The following NDST4 variants were observed in gnomAD, a reference collection of about 807,000 sequenced individuals.
The protein encoded by NDST4 is N-deacetylase and N-sulfotransferase 4.
NDST4 carries 63 observed loss-of-function variants against 100.8 expected under a neutral mutation model. The ratio of observed to expected loss-of-function variants is 0.62; its 90% CI spans 0.51 to 0.77. NDST4 has a LOEUF of 0.77. Among genes scored for constraint, NDST4 ranks in the 30% least tolerant of loss-of-function variants. NDST4 has a pLI of 0.00. For missense variants in NDST4, 943 were observed against 1,018.4 expected, an observed-to-expected ratio of 0.93 and a Z score of 1.01; for synonymous variants, 377 against 361.8, an observed-to-expected ratio of 1.04 and a Z score of -0.48.
chr4:115,108,948 G>A (rs1729885676), intron 1 of NDST4, among the ~76,000 whole-genome samples: 1 of 151,344 alleles, frequency 6.6e-6, no homozygotes, highest in Non-Finnish European at 1.5e-5. Flanking sequence ...GGAAATAAAG[G>A]AAGGAGGGAA....
chr4:114,920,405 C>T (rs901134875), intron 6 of NDST4, among the ~76,000 whole-genome samples: 5 of 152,062 alleles, frequency 3.3e-5, no homozygotes, highest in Non-Finnish European at 7.4e-5. Flanking sequence ...CAAGTCACAT[C>T]TTTTATTCAC....
At chr4:114,839,628 T>C in intron 10 of NDST4, 80 bp from the exon 11 acceptor site, 1 of 1,257,302 alleles carries the variant, frequency 8.0e-7, no homozygotes, top group Non-Finnish European at 1.1e-6. Flanking sequence ...GGTGAGCACA[T>C]GCATGTGTGT....
intron 2 of NDST4, among the ~76,000 whole-genome samples, chr4:115,049,278 A>T (rs1459285054): frequency 6.6e-6 from 1 of 152,040 alleles, no homozygotes; most frequent in Non-Finnish European, 1.5e-5. Flanking sequence ...GGCGATCATT[A>T]AAGAGAAAGT....
chr4:115,007,319 A>T (rs552093215), intron 2 of NDST4, among the ~76,000 whole-genome samples: 21 of 152,182 alleles, frequency 1.4e-4, no homozygotes, highest in Non-Finnish European at 7.4e-5. Context: ...AAATGGTGAC[A>T]AAATGTGCTT....
At chr4:115,011,462 TA>T (rs1277534494) in intron 2 of NDST4, among the ~76,000 whole-genome samples, 3 of 148,248 alleles carry the variant, frequency 2.0e-5, no homozygotes, top group African/African-American at 7.9e-5. Context: ...AAGGCATCAC[TA>T]TTTTTTTTTT....
rs1165131360 is a variant in NDST4, at chr4:114,986,817, T to C, written c.979-9543A>G. Among the ~76,000 whole-genome samples, 5 of 124,870 alleles carry C rather than the reference T, an allele frequency of 4.0e-5. 1 individual carries two copies. The highest frequency in any genetic ancestry group is 1.3e-4 in the African/African-American group (4 of 31,284). The allele number at this position is 124,870 out of a possible 152,430, so 81.9% of individuals were successfully genotyped here. A position where few individuals can be genotyped will look rare whatever the true frequency, so the allele number is the denominator to read the frequency against. The stretch of plus-strand genomic sequence containing the variant: ...ACATATATATATATATATATATATA[T>C]ATATATATATATATATTTTAATATA... On this transcript the variant is annotated intron_variant, in intron 2 of 13. Coordinates refer to ENST00000264363, the MANE Select transcript of NDST4 (RefSeq NM_022569.3).
chr4:114,939,940 A>G (rs1190466279), intron 4 of NDST4, among the ~76,000 whole-genome samples: 3 of 152,194 alleles, frequency 2.0e-5, no homozygotes, highest in African/African-American at 7.2e-5. Flanking sequence ...CATGGCGCTT[A>G]CAGACCGAGA....
At chr4:115,058,833 G>A (rs970745474) in intron 2 of NDST4, among the ~76,000 whole-genome samples, 1 of 151,930 alleles carries the variant, frequency 6.6e-6, no homozygotes, top group African/African-American at 2.4e-5. Context: ...TTTTTAAAAG[G>A]TAGAGCAGTA....
intron 2 of NDST4, among the ~76,000 whole-genome samples, chr4:115,033,617 A>G (rs895854015): frequency 6.6e-6 from 1 of 152,008 alleles, no homozygotes; most frequent in African/African-American, 2.4e-5. Flanking sequence ...TTATTTAATA[A>G]TACAGAATTT....
chr4:115,065,029 T>G (rs539069630), intron 2 of NDST4, among the ~76,000 whole-genome samples: 1 of 152,144 alleles, frequency 6.6e-6, no homozygotes, highest in Non-Finnish European at 1.5e-5. Flanking sequence ...TTCTATACAT[T>G]TTAATGAACA....
chr4:115,102,489 C>T lies in NDST4; in HGVS notation c.-247+10955G>A, dbSNP rs561026425. On this transcript the variant is annotated intron_variant, in intron 1 of 13. Transcript: ENST00000264363. ...ATTATTTTTTAATGTAAATTTAATG[C>T]TAATAGTATTGCAATTATATTCAGA... 3.9e-5 allele frequency among the ~76,000 whole-genome samples: 6 copies of T among 152,020 alleles called. 1 individual carries two copies. In the East Asian group the frequency reaches 1.2e-3, roughly 29 times the overall value.
intron 7 of NDST4, among the ~76,000 whole-genome samples, chr4:114,864,779 C>T (rs1320906645): frequency 6.6e-6 from 1 of 152,130 alleles, no homozygotes; most frequent in Non-Finnish European, 1.5e-5. Flanking sequence ...TCAAACTTTG[C>T]TACAAAGTAC....
intron 2 of NDST4, among the ~76,000 whole-genome samples, chr4:114,991,085 G>C (rs543001312): frequency 1.4e-5 from 2 of 142,640 alleles, no homozygotes; most frequent in African/African-American, 3.1e-5. Flanking sequence ...CAAACCCTGG[G>C]AGAAGATGAG....
intron 2 of NDST4, among the ~76,000 whole-genome samples, chr4:115,051,520 C>T (rs976680446): frequency 2.6e-5 from 4 of 152,160 alleles, no homozygotes; most frequent in Admixed American, 2.6e-4. Context: ...AAATATTTGT[C>T]TTTCTGTGCT....
At chr4:115,067,687 T>A (rs987256218) in intron 2 of NDST4, among the ~76,000 whole-genome samples, 2 of 152,026 alleles carry the variant, frequency 1.3e-5, no homozygotes, top group African/African-American at 4.8e-5. Context: ...TTTACATTAC[T>A]AATGGAAGAG....
chr4:114,929,113 C>CATCCATCTATCT (rs1578395038), intron 6 of NDST4, among the ~76,000 whole-genome samples: 304 of 117,430 alleles, frequency 2.6e-3, no homozygotes, highest in Middle Eastern at 8.1e-3. Flanking sequence ...TCCATCCATC[C>CATCCATCTATCT]ATCTATCTAT....
intron 2 of NDST4, among the ~76,000 whole-genome samples, chr4:115,001,369 A>G (rs1236080736): frequency 6.6e-6 from 1 of 152,028 alleles, no homozygotes. Context: ...GTTAGAGTTG[A>G]TCGGCCCACC....
At chr4:114,930,495 T>C (rs1408146121) in intron 6 of NDST4, among the ~76,000 whole-genome samples, 1 of 152,186 alleles carries the variant, frequency 6.6e-6, no homozygotes, top group East Asian at 1.9e-4. Context: ...GAAGTTTCTA[T>C]TTTCATACAA....
At position 115,057,702 on chromosome 4, in the gene NDST4, GCACACACACA is replaced by G. The variant is rs59805768; in HGVS notation, c.978+18347_978+18356del. ...TTTCCACTTAGCTATGCGTGCGCAC[GCACACACACA>G]CACACACACACACACACACACAGAC... On this transcript the variant is annotated intron_variant, in intron 2 of 13. Coordinates refer to ENST00000264363, the MANE Select transcript of NDST4 (RefSeq NM_022569.3). Among the ~76,000 whole-genome samples the G allele has an allele frequency of 7.4e-3, 1,087 of 147,338 alleles. 16 individuals carry two copies. Among genetic ancestry groups the G allele is most frequent in the African/African-American group, 0.025 (1,015 of 40,192 alleles).
Sources: gnomAD v4.1 joint callset for allele counts (sites outside exome capture counted in the v4.1 genomes callset) on GRCh38, gnomAD v4.1.1 for gene constraint, MANE v1.5 for transcripts, NCBI Gene and HGNC (gene_info 2026-07-23, HGNC 2026-07-21) for gene names.